DCLK1: variants seen among roughly 807,000 people sequenced by gnomAD.
DCLK1 encodes the protein serine/threonine-protein kinase DCLK1.
A neutral mutation model predicts 86.2 loss-of-function variants in DCLK1; 16 were observed. The ratio of observed to expected loss-of-function variants is 0.19; its 90% CI spans 0.13 to 0.28. DCLK1 has a LOEUF of 0.28. Ranked by LOEUF, DCLK1 falls within the 10% of genes least tolerant of loss-of-function variation. The pLI, the probability that DCLK1 is intolerant of heterozygous loss-of-function variation, is 1.00. For missense variants in DCLK1, 590 were observed against 940.2 expected (o/e 0.63, Z 4.87); for synonymous variants, 369 against 370.5 (o/e 1.00, Z 0.05).
intron 4 of DCLK1, among the ~76,000 whole-genome samples, chr13:35,874,953 C>G (rs1466538030): frequency 6.6e-6 from 1 of 152,194 alleles, no homozygotes; most frequent in Non-Finnish European, 1.5e-5. Context: ...CATGCTTCCT[C>G]GTACATTTTT....
At chr13:35,809,134 C>G (rs563511019) in intron 12 of DCLK1, 39 bp from the exon 13 acceptor site, 3 of 1,550,268 alleles carry the variant, frequency 1.9e-6, no homozygotes, top group African/African-American at 1.4e-5. Context: ...GAGGGTCAGG[C>G]TCGGACAAAT....
At chr13:35,994,452 T>C (rs1489700244) in intron 3 of DCLK1, among the ~76,000 whole-genome samples, 2 of 152,180 alleles carry the variant, frequency 1.3e-5, no homozygotes, top group African/African-American at 4.8e-5. Flanking sequence ...CACATATTCT[T>C]AGCTAATAAA....
At chr13:35,974,437 T>C (rs1035386159) in intron 3 of DCLK1, among the ~76,000 whole-genome samples, 2 of 152,152 alleles carry the variant, frequency 1.3e-5, no homozygotes, top group Admixed American at 1.3e-4. Context: ...CTGATATGAT[T>C]TAGCTCTATG....
chr13:35,958,157 AACC>A (rs1254821289), intron 3 of DCLK1, among the ~76,000 whole-genome samples: 4 of 24,922 alleles, frequency 1.6e-4, no homozygotes, highest in African/African-American at 1.2e-3. Context: ...CCACCACTAT[AACC>A]ATCACCACCA....
chr13:35,904,651 G>A lies in DCLK1; in HGVS notation c.824-33311C>T, dbSNP rs369537071. On this transcript the variant is annotated intron_variant, in intron 4 of 16. Coordinates refer to ENST00000360631, the MANE Select transcript of DCLK1 (RefSeq NM_001330071.2). ...CTCCTTCCCTTTTGCCTTTAGGAAAGAAGGGCTGGACAACGATGGAGAGTC... is the reference window on the plus strand; with the variant it reads ...CTCCTTCCCTTTTGCCTTTAGGAAAAAAGGGCTGGACAACGATGGAGAGTC... Among the ~76,000 whole-genome samples, 739 of 152,320 alleles carry A rather than the reference G, an allele frequency of 4.9e-3. 4 individuals carry two copies. Among genetic ancestry groups the A allele is most frequent in the African/African-American group, 0.017 (709 of 41,562 alleles).
At chr13:35,836,413 T>G (rs979967545) in intron 7 of DCLK1, among the ~76,000 whole-genome samples, 2 of 152,220 alleles carry the variant, frequency 1.3e-5, no homozygotes, top group Non-Finnish European at 2.9e-5. Flanking sequence ...GTAGGGATTC[T>G]CAGGAGGAAG....
intron 11 of DCLK1, among the ~76,000 whole-genome samples, chr13:35,818,368 G>A (rs1174761258): frequency 6.6e-6 from 1 of 152,150 alleles, no homozygotes. Flanking sequence ...CATTTGGGTG[G>A]AACAGGACTA....
At chr13:35,877,814 C>A (rs2153115891) in intron 4 of DCLK1, among the ~76,000 whole-genome samples, 1 of 152,310 alleles carries the variant, frequency 6.6e-6, no homozygotes, top group South Asian at 2.1e-4. Context: ...TAATATTCCT[C>A]TCTGTTGCTA....
At chr13:35,804,854 G>T (rs12429203) in intron 15 of DCLK1, among the ~76,000 whole-genome samples, 3 of 152,062 alleles carry the variant, frequency 2.0e-5, no homozygotes, top group African/African-American at 4.8e-5. Flanking sequence ...CATTAGACCC[G>T]TGTACTCAAA....
intron 3 of DCLK1, among the ~76,000 whole-genome samples, chr13:36,024,307 T>G (rs75384322): frequency 0.022 from 3,342 of 152,240 alleles, 120 homozygotes; most frequent in African/African-American, 0.076. Context: ...CTCTCTATTT[T>G]CACATGACAT....
chr13:35,819,721 A>G (rs540555866), intron 11 of DCLK1, among the ~76,000 whole-genome samples: 4 of 152,210 alleles, frequency 2.6e-5, no homozygotes, highest in African/African-American at 7.2e-5. Flanking sequence ...ATAGCTTTAC[A>G]TTTTGCCATG....
At chr13:35,789,107 A>T (rs1460571285) in intron 16 of DCLK1, among the ~76,000 whole-genome samples, 1 of 152,170 alleles carries the variant, frequency 6.6e-6, no homozygotes, top group Non-Finnish European at 1.5e-5. Context: ...TAAAAGATTC[A>T]ATCCCCCAAA....
At chr13:35,940,264 C>A (rs1380410480) in intron 4 of DCLK1, among the ~76,000 whole-genome samples, 2 of 148,206 alleles carry the variant, frequency 1.3e-5, no homozygotes, top group Admixed American at 6.7e-5. Context: ...ACATCTCCAG[C>A]CTGGGTGACA....
chr13:35,904,605 T>C (rs577261256), intron 4 of DCLK1, among the ~76,000 whole-genome samples: 2 of 152,334 alleles, frequency 1.3e-5, no homozygotes, highest in South Asian at 2.1e-4. Context: ...GGATGGCATA[T>C]AGCTCCTTGT....
intron 3 of DCLK1, among the ~76,000 whole-genome samples, chr13:36,050,673 C>T (rs192641579): frequency 1.3e-5 from 2 of 152,280 alleles, no homozygotes; most frequent in Admixed American, 6.5e-5. Flanking sequence ...AACTTAATCT[C>T]GTCCTTCATT....
intron 3 of DCLK1, among the ~76,000 whole-genome samples, chr13:35,986,091 C>T (rs1879889308): frequency 1.3e-5 from 2 of 151,870 alleles, no homozygotes; most frequent in African/African-American, 4.8e-5. Flanking sequence ...ATCACAAGGT[C>T]AGGAGTTCGA....
At chr13:36,039,731 C>G (rs1237188991) in intron 3 of DCLK1, among the ~76,000 whole-genome samples, 4 of 151,896 alleles carry the variant, frequency 2.6e-5, no homozygotes, top group African/African-American at 9.7e-5. Context: ...AAACAAAGAC[C>G]TAATTTAATC....
chr13:35,898,310 C>T (rs1168647191), intron 4 of DCLK1, among the ~76,000 whole-genome samples: 1 of 152,306 alleles, frequency 6.6e-6, no homozygotes, highest in African/African-American at 2.4e-5. Flanking sequence ...CCAGTCTTCC[C>T]GGAAAAGCTA....
chr13:35,961,194 C>T (rs1878439490), intron 3 of DCLK1, among the ~76,000 whole-genome samples: 1 of 152,152 alleles, frequency 6.6e-6, no homozygotes, highest in Non-Finnish European at 1.5e-5. Flanking sequence ...AATATTGCAT[C>T]TACCTCCCAG....
Sources: gnomAD v4.1 joint callset for allele counts (sites outside exome capture counted in the v4.1 genomes callset) on GRCh38, gnomAD v4.1.1 for gene constraint, MANE v1.5 for transcripts, NCBI Gene and HGNC (gene_info 2026-07-23, HGNC 2026-07-21) for gene names.